JAKMIP1: variants seen among roughly 807,000 people sequenced by gnomAD.
The protein encoded by JAKMIP1 is janus kinase and microtubule-interacting protein 1.
JAKMIP1 carries 33 observed loss-of-function variants against 113.0 expected under a neutral mutation model. The observed-to-expected ratio is 0.29, with a 90% CI of 0.22 to 0.39. The LOEUF (loss-of-function observed/expected upper bound fraction) is 0.39, where lower values mean the gene tolerates loss of function less well. JAKMIP1 is among the 10% of genes least tolerant of loss of function. The pLI, the probability that JAKMIP1 is intolerant of heterozygous loss-of-function variation, is 1.00. For missense variants in JAKMIP1, 813 were observed against 1,080.5 expected (o/e 0.75, Z 3.47); for synonymous variants, 480 against 459.9 (o/e 1.04, Z -0.56).
At chr4:6,048,809 T>C (rs376023864) in intron 16 of JAKMIP1, 48 bp downstream of exon 16, 38 of 1,506,134 alleles carry the variant, frequency 2.5e-5, no homozygotes, top group Admixed American at 1.7e-4. Flanking sequence ...TGTATGGTGC[T>C]GGGAAGCTGG....
intron 13 of JAKMIP1, among the ~76,000 whole-genome samples, chr4:6,053,189 C>T (rs1312076469): frequency 2.0e-5 from 3 of 152,166 alleles, no homozygotes; most frequent in African/African-American, 7.2e-5. Flanking sequence ...TTATGAAGTA[C>T]CATGAGAGCA....
intron 2 of JAKMIP1, among the ~76,000 whole-genome samples, chr4:6,109,482 C>A (rs993896340): frequency 1.3e-5 from 2 of 151,846 alleles, no homozygotes; most frequent in Non-Finnish European, 1.5e-5. Context: ...AAAACCCCCA[C>A]AAAACTGCCC....
Position 6,076,442 on chromosome 4 carries a change from A to C in JAKMIP1, c.1302+2497T>G, listed in dbSNP as rs1484073691. Reference sequence around the variant, plus strand: ...CTTCTGTAGCTGTAAAATTGAAAAAATAATACCAACTATATGGGGTGGCTG... The same window carrying C: ...CTTCTGTAGCTGTAAAATTGAAAAACTAATACCAACTATATGGGGTGGCTG... On this transcript the variant is annotated intron_variant, in intron 8 of 20. Coordinates refer to ENST00000409021, the MANE Select transcript of JAKMIP1 (RefSeq NM_001099433.2). This position sits in a 1 kb window ranked among gnomAD's most constrained non-coding sequence, Gnocchi z 4.8. Among the ~76,000 whole-genome samples, 1 of 152,126 alleles carries C rather than the reference A, an allele frequency of 6.6e-6. No homozygotes were observed. Among genetic ancestry groups the C allele is most frequent in the East Asian group, 1.9e-4 (1 of 5,184 alleles).
At position 6,162,440 on chromosome 4, in the gene JAKMIP1, G is replaced by A. The variant is rs543869464; in HGVS notation, c.-148+37813C>T. Reference sequence around the variant, plus strand: ...GGGAAGTCACCTCCAGAGGCCACATGAGCCAAGTGACAGGGGCAGATGGAG... The same window carrying A: ...GGGAAGTCACCTCCAGAGGCCACATAAGCCAAGTGACAGGGGCAGATGGAG... On this transcript the variant is annotated intron_variant, in intron 1 of 20. Coordinates refer to ENST00000409021, the MANE Select transcript of JAKMIP1 (RefSeq NM_001099433.2). The surrounding 1 kb of genome is among the most constrained non-coding windows in gnomAD (Gnocchi z 5.6). Among the ~76,000 whole-genome samples, 4 of 152,310 alleles carry A rather than the reference G, an allele frequency of 2.6e-5. No homozygotes were observed. The highest frequency in any genetic ancestry group is 3.9e-4 in the East Asian group (2 of 5,172).
Position 6,101,388 on chromosome 4 carries a change from G to A in JAKMIP1, c.624+4085C>T, listed in dbSNP as rs114593200. The stretch of plus-strand genomic sequence containing the variant: ...TGCCACGGTATCTTTGTCCACACAC[G>A]TGAAGATGTACTTCTGGGCTCTTCT... On this transcript the variant is annotated intron_variant, in intron 3 of 20. Coordinates refer to ENST00000409021, the MANE Select transcript of JAKMIP1 (RefSeq NM_001099433.2). Among the ~76,000 whole-genome samples the A allele has an allele frequency of 4.0e-3, 604 of 152,108 alleles. 5 individuals carry two copies. Among genetic ancestry groups the A allele is most frequent in the African/African-American group, 0.014 (563 of 41,462 alleles).
chr4:6,161,018 A>G (rs1273465808), intron 1 of JAKMIP1, among the ~76,000 whole-genome samples: 1 of 73,732 alleles, frequency 1.4e-5, no homozygotes, highest in Non-Finnish European at 2.6e-5. Flanking sequence ...CCTCACCTCC[A>G]CTCACCTCCC....
At position 6,031,919 on chromosome 4, in the gene JAKMIP1, T is replaced by G. The variant is rs1712726457; in HGVS notation, c.2380-2138A>C. 6.6e-6 allele frequency among the ~76,000 whole-genome samples: 1 copy of G among 152,220 alleles called. No homozygotes were observed. Among genetic ancestry groups the G allele is most frequent in the African/African-American group, 2.4e-5 (1 of 41,450 alleles). On this transcript the variant is annotated intron_variant, in intron 19 of 20. Coordinates refer to ENST00000409021, the MANE Select transcript of JAKMIP1 (RefSeq NM_001099433.2). This position sits in a 1 kb window ranked among gnomAD's most constrained non-coding sequence, Gnocchi z 4.4. ...GGCATTGAGCACTCCATATGTTATT[T>G]TTTTAAACTGATAATTTTCTACTCT...
At chr4:6,165,376 C>T (rs77438609) in intron 1 of JAKMIP1, among the ~76,000 whole-genome samples, 1,590 of 152,312 alleles carry the variant, frequency 0.01, 46 homozygotes, top group Admixed American at 0.074. Context: ...GCCTCCACCT[C>T]CCGGGTTCAA....
In JAKMIP1 at chr4:6,168,727, CA is replaced by C. The variant is rs201367130; in HGVS notation, c.-148+31525del. Reference sequence around the variant, plus strand: ...ACAGGATGGCAAATCCATGTCTCTACAAAAAAAAAACAAAACACAAAAATTA... The same window carrying C: ...ACAGGATGGCAAATCCATGTCTCTACAAAAAAAAACAAAACACAAAAATTA... On this transcript the variant is annotated intron_variant, in intron 1 of 20. Coordinates refer to ENST00000409021, the MANE Select transcript of JAKMIP1 (RefSeq NM_001099433.2). This position sits in a 1 kb window ranked among gnomAD's most constrained non-coding sequence, Gnocchi z 4.6. Among the ~76,000 whole-genome samples the C allele has an allele frequency of 1.3e-4, 19 of 144,170 alleles. No homozygotes were observed. The highest frequency in any genetic ancestry group is 4.2e-4 in the Admixed American group (6 of 14,384). 94.6% of individuals were successfully genotyped at this position (144,170 alleles called of 152,430 possible). A position where few individuals can be genotyped will look rare whatever the true frequency, so the allele number is the denominator to read the frequency against.
intron 3 of JAKMIP1, among the ~76,000 whole-genome samples, chr4:6,095,908 AAG>A (rs1240477285): frequency 2.6e-5 from 4 of 152,166 alleles, no homozygotes; most frequent in Middle Eastern, 3.4e-3. Context: ...GAAATAATCA[AAG>A]AGAGAGAGAG....
intron 12 of JAKMIP1, among the ~76,000 whole-genome samples, chr4:6,056,084 CAG>C (rs1242583797): frequency 2.7e-5 from 4 of 150,846 alleles, no homozygotes; most frequent in Middle Eastern, 3.6e-3. Flanking sequence ...CCCATTTCTG[CAG>C]AGTGTCCCTA....
chr4:6,028,841 A>G (rs995106660), intron 20 of JAKMIP1, among the ~76,000 whole-genome samples: 7 of 152,314 alleles, frequency 4.6e-5, no homozygotes, highest in South Asian at 4.1e-4. Flanking sequence ...CCTCTGTGAC[A>G]TTAAATAGGC....
Position 6,156,105 on chromosome 4 carries a change from T to C in JAKMIP1, c.-147-43108A>G, listed in dbSNP as rs1022662867. On this transcript the variant is annotated intron_variant, in intron 1 of 20. Coordinates refer to ENST00000409021, the MANE Select transcript of JAKMIP1 (RefSeq NM_001099433.2). This position sits in a 1 kb window ranked among gnomAD's most constrained non-coding sequence, Gnocchi z 5.0. ...CAACAAACTATTCTGAAATAATCTG[T>C]TGGCATTTCTAAATACCTGACCCAT... Among the ~76,000 whole-genome samples the C allele has an allele frequency of 6.6e-5, 10 of 152,240 alleles. No homozygotes were observed. The highest frequency in any genetic ancestry group is 1.9e-4 in the African/African-American group (8 of 41,458).
At chr4:6,119,468 C>G (rs150989690) in intron 1 of JAKMIP1, among the ~76,000 whole-genome samples, 1 of 151,658 alleles carries the variant, frequency 6.6e-6, no homozygotes, top group African/African-American at 2.4e-5. Flanking sequence ...CGCTTGAACC[C>G]GGGAGGTGGA....
In JAKMIP1 at chr4:6,194,325, G is replaced by C. The variant is rs554814454; in HGVS notation, c.-148+5928C>G. Among the ~76,000 whole-genome samples the C allele has an allele frequency of 6.6e-6, 1 of 152,016 alleles. No homozygotes were observed. The highest frequency in any genetic ancestry group is 1.5e-5 in the Non-Finnish European group (1 of 68,016). ...TCAATTTTTTTAAGAAAAAGAAGGG[G>C]AAAAAGAATTGCTTCAATGGAAGAC... On this transcript the variant is annotated intron_variant, in intron 1 of 20. Coordinates refer to ENST00000409021, the MANE Select transcript of JAKMIP1 (RefSeq NM_001099433.2). This position sits in a 1 kb window ranked among gnomAD's most constrained non-coding sequence, Gnocchi z 7.4.
rs1305628788 is a variant in JAKMIP1, at chr4:6,157,420, TG to T, written c.-148+42832del. On this transcript the variant is annotated intron_variant, in intron 1 of 20. Transcript: ENST00000409021. This position sits in a 1 kb window ranked among gnomAD's most constrained non-coding sequence, Gnocchi z 4.7. ...GCTCTCTGAAAAGCAGCAATTTCTA[TG>T]GTAATTCAGGTAATTTGTGATATTT... 1.3e-5 allele frequency among the ~76,000 whole-genome samples: 2 copies of T among 152,234 alleles called. No homozygotes were observed. The highest frequency in any genetic ancestry group is 4.8e-5 in the African/African-American group (2 of 41,460).
At chr4:6,120,413 A>G (rs1716539415) in intron 1 of JAKMIP1, among the ~76,000 whole-genome samples, 1 of 152,222 alleles carries the variant, frequency 6.6e-6, no homozygotes, top group African/African-American at 2.4e-5. Flanking sequence ...TGTTGCGAGT[A>G]GCATCATTTG....
intron 5 of JAKMIP1, 149 bp downstream of exon 5, chr4:6,084,697 G>T: frequency 2.4e-6 from 2 of 818,596 alleles, no homozygotes; most frequent in Non-Finnish European, 3.6e-6. Context: ...ATGAGCATGT[G>T]TTAGATTTTT....
chr4:6,045,991 C>T (rs995428085), intron 16 of JAKMIP1, among the ~76,000 whole-genome samples: 4 of 152,228 alleles, frequency 2.6e-5, no homozygotes, highest in African/African-American at 9.6e-5. Flanking sequence ...TAACTGGGGC[C>T]TGTCAGCAAG....
Sources: allele counts gnomAD v4.1 joint callset (sites outside exome capture counted in the v4.1 genomes callset), GRCh38; gene constraint gnomAD v4.1.1; non-coding constraint Gnocchi (gnomAD v3.1); transcripts MANE v1.5; gene names NCBI Gene and HGNC (gene_info 2026-07-23, HGNC 2026-07-21).